Variants in FER observed in about 807,000 individuals in gnomAD.
The protein encoded by FER is tyrosine-protein kinase Fer.
A neutral mutation model predicts 111.0 loss-of-function variants in FER; 63 were observed. The ratio of observed to expected loss-of-function variants is 0.57; its 90% CI spans 0.46 to 0.70. FER has a LOEUF of 0.70. Ranked by LOEUF, FER falls within the 30% of genes least tolerant of loss-of-function variation. The pLI, the probability that FER is intolerant of heterozygous loss-of-function variation, is 0.00. For synonymous variants in FER, 327 were observed against 313.9 expected (o/e 1.04, Z -0.44); for missense variants, 914 against 954.0 (o/e 0.96, Z 0.55).
chr5:108,801,810 C>G (rs1428877206), intron 3 of FER, among the ~76,000 whole-genome samples: 1 of 152,114 alleles, frequency 6.6e-6, no homozygotes, highest in Non-Finnish European at 1.5e-5. Context: ...TTGGCATATC[C>G]AAATTACCGG....
intron 17 of FER, among the ~76,000 whole-genome samples, chr5:109,121,522 A>G (rs925949278): frequency 3.9e-5 from 6 of 152,072 alleles, no homozygotes; most frequent in South Asian, 2.1e-4. Context: ...TTTTGCATCA[A>G]TGTTCATCAG....
chr5:108,892,485 A>G (rs1016499229), intron 9 of FER, among the ~76,000 whole-genome samples: 8 of 151,996 alleles, frequency 5.3e-5, no homozygotes, highest in Non-Finnish European at 8.8e-5. Context: ...GTGTCTGTTC[A>G]TATCCTTCAC....
chr5:108,859,161 T>C (rs1763277324), intron 5 of FER, among the ~76,000 whole-genome samples: 1 of 152,208 alleles, frequency 6.6e-6, no homozygotes, highest in Non-Finnish European at 1.5e-5. Context: ...ACAGAGTGTT[T>C]CTCAATTTGG....
At chr5:109,139,350 CTTT>C (rs59092426) in intron 17 of FER, among the ~76,000 whole-genome samples, 11 of 91,104 alleles carry the variant, frequency 1.2e-4, no homozygotes, top group Non-Finnish European at 2.1e-4. Context: ...TTCTTTCTTT[CTTT>C]TTTTTTTTTT....
At chr5:109,144,978 T>G (rs903380748) in intron 17 of FER, among the ~76,000 whole-genome samples, 1 of 152,000 alleles carries the variant, frequency 6.6e-6, no homozygotes, top group Admixed American at 6.6e-5. Flanking sequence ...TCAAATCTCC[T>G]TTCTCTGTTT....
chr5:108,977,256 G>T (rs1482948984), intron 13 of FER, among the ~76,000 whole-genome samples: 3 of 152,124 alleles, frequency 2.0e-5, no homozygotes, highest in African/African-American at 7.2e-5. Context: ...TGTATGGTCT[G>T]TTTGTGTATA....
intron 10 of FER, among the ~76,000 whole-genome samples, chr5:108,943,822 C>G (rs1234866043): frequency 6.6e-6 from 1 of 152,006 alleles, no homozygotes; most frequent in Non-Finnish European, 1.5e-5. Context: ...CAACCTCAAC[C>G]TCTTGGGCTC....
At chr5:108,786,847 A>G (rs1754781694) in intron 2 of FER, among the ~76,000 whole-genome samples, 3 of 152,112 alleles carry the variant, frequency 2.0e-5, no homozygotes, top group Admixed American at 2.0e-4. Flanking sequence ...TATTGTCAGT[A>G]GGAGCTTTTG....
chr5:108,863,805 T>G (rs1195677556), intron 5 of FER, among the ~76,000 whole-genome samples: 1 of 152,250 alleles, frequency 6.6e-6, no homozygotes, highest in Non-Finnish European at 1.5e-5. Flanking sequence ...TACATTTATA[T>G]AAACACATAT....
intron 17 of FER, among the ~76,000 whole-genome samples, chr5:109,147,763 A>G (rs1754377852): frequency 7.4e-6 from 1 of 135,010 alleles, no homozygotes; most frequent in Non-Finnish European, 1.6e-5. Context: ...TACAAAGAGA[A>G]CACACACACA....
chr5:109,017,513 T>A (rs1327562922), intron 13 of FER, among the ~76,000 whole-genome samples: 1 of 151,980 alleles, frequency 6.6e-6, no homozygotes, highest in African/African-American at 2.4e-5. Context: ...ATATTCACAG[T>A]CTTTCTGTTA....
chr5:109,044,857 G>A, intron 15 of FER, 62 bp downstream of exon 15: 2 of 852,568 alleles, frequency 2.3e-6, no homozygotes, highest in Non-Finnish European at 3.4e-6. Context: ...TAAAATGTAA[G>A]TTTGAAGACA....
chr5:109,015,131 T>C (rs1319134436), intron 13 of FER, among the ~76,000 whole-genome samples: 1 of 152,142 alleles, frequency 6.6e-6, no homozygotes. Flanking sequence ...TTTTTTTGTA[T>C]ATGTATGATT....
At chr5:108,790,774 A>G (rs1755276471) in intron 2 of FER, among the ~76,000 whole-genome samples, 1 of 152,188 alleles carries the variant, frequency 6.6e-6, no homozygotes, top group South Asian at 2.1e-4. Flanking sequence ...CATCACCACA[A>G]AAGGAAATCC....
chr5:108,956,456 A>G (rs3797824), intron 12 of FER, among the ~76,000 whole-genome samples: 2 of 151,814 alleles, frequency 1.3e-5, no homozygotes, highest in East Asian at 3.9e-4. Flanking sequence ...AACTATAAGT[A>G]TTTAAATTAG....
chr5:109,120,707 A>C (rs1002613213), intron 17 of FER, among the ~76,000 whole-genome samples: 2 of 152,048 alleles, frequency 1.3e-5, no homozygotes, highest in African/African-American at 2.4e-5. Context: ...GGACTTTTTA[A>C]CAATATTGAT....
At chr5:109,156,484 C>T (rs1335556426) in intron 17 of FER, among the ~76,000 whole-genome samples, 1 of 151,804 alleles carries the variant, frequency 6.6e-6, no homozygotes, top group Non-Finnish European at 1.5e-5. Context: ...TAGTTAAGCC[C>T]TGGAACAAAG....
At chr5:109,021,125 T>A (rs768753854) in intron 13 of FER, among the ~76,000 whole-genome samples, 1 of 152,010 alleles carries the variant, frequency 6.6e-6, no homozygotes, top group Non-Finnish European at 1.5e-5. Flanking sequence ...ACCCACCTCA[T>A]GATCAGATCC....
intron 5 of FER, among the ~76,000 whole-genome samples, chr5:108,841,488 TTATC>T (rs1389873079): frequency 6.6e-6 from 1 of 152,200 alleles, no homozygotes; most frequent in Non-Finnish European, 1.5e-5. Flanking sequence ...ACTCTGAGAT[TTATC>T]TCTTAGGAGA....
Sources: allele counts gnomAD v4.1 joint callset (sites outside exome capture counted in the v4.1 genomes callset), GRCh38; gene constraint gnomAD v4.1.1; transcripts MANE v1.5; gene names NCBI Gene and HGNC (gene_info 2026-07-23, HGNC 2026-07-21).